The following LAMC1 variants were observed in gnomAD, a reference collection of about 807,000 sequenced individuals.
The protein encoded by LAMC1 is laminin subunit gamma-1.
A neutral mutation model predicts 173.6 loss-of-function variants in LAMC1; 38 were observed. The observed-to-expected ratio is 0.22, with a 90% CI of 0.17 to 0.29. LAMC1 has a LOEUF of 0.29. Ranked by LOEUF, LAMC1 falls within the 10% of genes least tolerant of loss-of-function variation. LAMC1 has a pLI of 1.00. For synonymous variants in LAMC1, 746 were observed against 749.1 expected, an observed-to-expected ratio of 1.00 and a Z score of 0.07; for missense variants, 1,824 against 2,051.8, an observed-to-expected ratio of 0.89 and a Z score of 2.14.
intron 4 of LAMC1, among the ~76,000 whole-genome samples, chr1:183,113,446 T>A (rs563008674): frequency 9.2e-5 from 14 of 152,238 alleles, no homozygotes; most frequent in Non-Finnish European, 2.1e-4. Context: ...AAATAAAACT[T>A]CTTTTTATTT....
chr1:183,041,733 A>C, intron 1 of LAMC1, among the ~76,000 whole-genome samples: 1 of 152,198 alleles, frequency 6.6e-6, no homozygotes, highest in East Asian at 1.9e-4. Context: ...ATGCAGTACA[A>C]AGGACCTGAC....
At chr1:183,127,119 A>ATAG (rs1656640777) in intron 16 of LAMC1, 107 bp from the exon 17 acceptor site, 1 of 936,280 alleles carries the variant, frequency 1.1e-6, no homozygotes, top group South Asian at 1.9e-5. Context: ...CAAAAAAATT[A>ATAG]TGACAGTATA....
intron 1 of LAMC1, among the ~76,000 whole-genome samples, chr1:183,026,838 CTTTT>C: frequency 6.6e-6 from 1 of 152,136 alleles, no homozygotes. Flanking sequence ...TTGGCACTGA[CTTTT>C]TTAAATTATG....
chr1:183,078,680 G>T (rs1229192933), intron 1 of LAMC1, among the ~76,000 whole-genome samples: 1 of 151,992 alleles, frequency 6.6e-6, no homozygotes, highest in Non-Finnish European at 1.5e-5. Flanking sequence ...TGTAATTCAT[G>T]TAAGAAATTG....
chr1:183,080,233 CTG>C (rs1163836936), intron 1 of LAMC1, among the ~76,000 whole-genome samples: 1 of 152,082 alleles, frequency 6.6e-6, no homozygotes, highest in African/African-American at 2.4e-5. Context: ...AACACAGACT[CTG>C]TCTTAAAAGA....
At chr1:183,141,878 A>G (rs1271897516) in intron 27 of LAMC1, among the ~76,000 whole-genome samples, 3 of 152,236 alleles carry the variant, frequency 2.0e-5, no homozygotes, top group African/African-American at 7.2e-5. Context: ...TGAGACTTTA[A>G]TCAAGTCAAG....
At chr1:183,125,010 T>G in intron 14 of LAMC1, 134 bp downstream of exon 14, 2 of 1,188,318 alleles carry the variant, frequency 1.7e-6, no homozygotes, top group African/African-American at 3.1e-5. Flanking sequence ...TCTTTTAAAA[T>G]TTTCTAGTCA....
rs969957458 is a variant in LAMC1, at chr1:183,117,702, C to T, written c.1856C>T (p.Thr619Ile). 2 of 1,613,986 alleles carry T rather than the reference C, an allele frequency of 1.2e-6. No individual in the cohort carries two copies. Among genetic ancestry groups the T allele is most frequent in the South Asian group, 1.1e-5 (1 of 91,052 alleles). The change falls in exon 10 of 28, where the codon ACC (threonine) becomes ATC (isoleucine). Residue 619 changes from threonine to isoleucine, a missense_variant. Coordinates refer to ENST00000258341, the MANE Select transcript of LAMC1 (RefSeq NM_002293.4). Reference protein sequence around the residue: ...IAQGNSYPSETTVKYVFRLHE... With the variant: ...IAQGNSYPSEITVKYVFRLHE... Reference sequence around the variant, plus strand: ...CAGGGCAATTCCTATCCAAGTGAGACCACTGTGAAGTATGTCTTCAGGTAA... The same window carrying T: ...CAGGGCAATTCCTATCCAAGTGAGATCACTGTGAAGTATGTCTTCAGGTAA...
chr1:183,026,381 G>A (rs1345649864), intron 1 of LAMC1, among the ~76,000 whole-genome samples: 1 of 152,078 alleles, frequency 6.6e-6, no homozygotes, highest in Non-Finnish European at 1.5e-5. Flanking sequence ...TGTGTGTAGT[G>A]AGGTTGAGGT....
chr1:183,040,996 C>T (rs941167683), intron 1 of LAMC1, among the ~76,000 whole-genome samples: 1 of 152,052 alleles, frequency 6.6e-6, no homozygotes, highest in African/African-American at 2.4e-5. Flanking sequence ...ATCTGGTGAC[C>T]GTGAAGATTC....
chr1:183,049,468 T>C (rs1257415079), intron 1 of LAMC1, among the ~76,000 whole-genome samples: 1 of 151,874 alleles, frequency 6.6e-6, no homozygotes, highest in African/African-American at 2.4e-5. Flanking sequence ...TTTTTGTTTT[T>C]TTTTTTTGTT....
intron 16 of LAMC1, 71 bp from the exon 17 acceptor site, chr1:183,127,155 A>G: frequency 2.8e-6 from 4 of 1,424,520 alleles, no homozygotes; most frequent in East Asian, 2.4e-5. Context: ...GCTTATTGTT[A>G]TCAGTCTGAA....
rs940255438 is a variant in LAMC1 at position 183,044,039 on chromosome 1, G to A, written c.418+19905G>A. Among the ~76,000 whole-genome samples, 24 of 152,038 alleles carry A rather than the reference G, an allele frequency of 1.6e-4. No homozygotes were observed. In the East Asian group the frequency reaches 4.4e-3, roughly 28 times the overall value. ...GTTTTTTTTAATCCTTAGTAAATCA[G>A]TGTCTAGGAATCTTTAGTCACTCAG... On this transcript the variant is annotated intron_variant, in intron 1 of 27. Coordinates refer to ENST00000258341, the MANE Select transcript of LAMC1 (RefSeq NM_002293.4).
intron 1 of LAMC1, among the ~76,000 whole-genome samples, chr1:183,057,532 G>A (rs1654630423): frequency 6.6e-6 from 1 of 152,212 alleles, no homozygotes; most frequent in African/African-American, 2.4e-5. Flanking sequence ...AGCCCGAGGT[G>A]GGTGGATTAC....
chr1:183,142,950 G>T lies in LAMC1; in HGVS notation c.*160G>T. ...GAAAAGTCACAGAGTTTAAAGAGAA[G>T]CAAATTAAACATCCTGAATCGGGAA... On this transcript the variant is annotated 3_prime_UTR_variant, in exon 28 of 28. Coordinates refer to ENST00000258341, the MANE Select transcript of LAMC1 (RefSeq NM_002293.4). 1 of 708,806 alleles carries T rather than the reference G, an allele frequency of 1.4e-6. No individual in the cohort carries two copies. Among genetic ancestry groups the T allele is most frequent in the Non-Finnish European group, 2.3e-6 (1 of 440,854 alleles). The allele number at this position is 708,806 out of a possible 1,614,324, so 43.9% of individuals were successfully genotyped here.
At chr1:183,133,254 A>G in intron 21 of LAMC1, 152 bp from the exon 22 acceptor site, 1 of 698,012 alleles carries the variant, frequency 1.4e-6, no homozygotes, top group Non-Finnish European at 2.4e-6. Context: ...AAATGTAAAT[A>G]TGCAAAATGT....
chr1:183,096,968 T>G (rs1204820078), intron 1 of LAMC1, among the ~76,000 whole-genome samples: 1 of 152,176 alleles, frequency 6.6e-6, no homozygotes, highest in Non-Finnish European at 1.5e-5. Flanking sequence ...GTATATTCCT[T>G]ATGTGCTTAG....
At position 183,138,750 on chromosome 1, in the gene LAMC1, A is replaced by G. The variant is rs981179948; in HGVS notation, c.4473+923A>G. 1.0e-3 allele frequency among the ~76,000 whole-genome samples: 153 copies of G among 152,142 alleles called. 3 individuals are homozygous for G. The highest frequency in any genetic ancestry group is 2.6e-4 in the Non-Finnish European group (18 of 68,018). On this transcript the variant is annotated intron_variant, in intron 26 of 27. Transcript: ENST00000258341. ...GATTTTCTCCGTTATGGTGTGGCTC[A>G]AGTAAAAATTCCCATAAAGGTGTCT...
intron 2 of LAMC1, 50 bp downstream of exon 2, chr1:183,103,682 G>T (rs1346766037): frequency 1.4e-6 from 2 of 1,478,976 alleles, no homozygotes; most frequent in Non-Finnish European, 1.8e-6. Flanking sequence ...CAACATGCGA[G>T]GTGTGGGAAG....
Sources: gnomAD v4.1 joint callset for allele counts (sites outside exome capture counted in the v4.1 genomes callset) on GRCh38, gnomAD v4.1.1 for gene constraint, MANE v1.5 for transcripts, NCBI Gene and HGNC (gene_info 2026-07-23, HGNC 2026-07-21) for gene names.